Variants in ABL1 observed in about 807,000 individuals in gnomAD.
ABL1 encodes the protein tyrosine-protein kinase ABL1.
A neutral mutation model predicts 94.7 loss-of-function variants in ABL1; 11 were observed. That is an observed-to-expected ratio of 0.12 (90% CI 0.07 to 0.19). The LOEUF is 0.19. Among genes scored for constraint, ABL1 ranks in the 10% least tolerant of loss-of-function variants. The probability of loss-of-function intolerance (pLI) is 1.00; values close to 1 mark genes in which losing one functional copy is unlikely to be tolerated. For missense variants in ABL1, 1,082 were observed against 1,489.4 expected, an observed-to-expected ratio of 0.73 and a Z score of 4.50; for synonymous variants, 656 against 622.4, an observed-to-expected ratio of 1.05 and a Z score of -0.80.
intron 1 of ABL1, among the ~76,000 whole-genome samples, chr9:130,786,354 G>C (rs564305215): frequency 6.6e-6 from 1 of 152,328 alleles, no homozygotes; most frequent in South Asian, 2.1e-4. Context: ...GCTCTGGGTG[G>C]CAGGGGAGAC....
chr9:130,810,741 A>C (rs1452635093), intron 1 of ABL1, among the ~76,000 whole-genome samples: 1 of 150,974 alleles, frequency 6.6e-6, no homozygotes, highest in Non-Finnish European at 1.5e-5. Flanking sequence ...GGGACCAAAA[A>C]ATATATATAG....
At chr9:130,881,424 G>A (rs1465617667) in intron 10 of ABL1, among the ~76,000 whole-genome samples, 1 of 152,202 alleles carries the variant, frequency 6.6e-6, no homozygotes, top group Non-Finnish European at 1.5e-5. Flanking sequence ...AGTTCCACAT[G>A]GCTGGGGAGG....
chr9:130,718,321 A>AG (rs1831472017), intron 1 of ABL1, among the ~76,000 whole-genome samples: 2 of 150,964 alleles, frequency 1.3e-5, no homozygotes, highest in Non-Finnish European at 3.0e-5. Context: ...CTGTCTCAAA[A>AG]AAAAAAAAAA....
At chr9:130,748,564 C>T (rs1247081502) in intron 1 of ABL1, among the ~76,000 whole-genome samples, 1 of 151,986 alleles carries the variant, frequency 6.6e-6, no homozygotes, top group Non-Finnish European at 1.5e-5. Context: ...AGGCGTGAGC[C>T]ACCATGCCTA....
intron 7 of ABL1, among the ~76,000 whole-genome samples, chr9:130,877,914 A>G (rs1287314812): frequency 1.3e-5 from 2 of 150,270 alleles, no homozygotes; most frequent in Admixed American, 6.6e-5. Flanking sequence ...CTGGGTTCAC[A>G]CCATTCTCCT....
intron 4 of ABL1, among the ~76,000 whole-genome samples, chr9:130,868,287 C>A (rs904440716): frequency 6.6e-6 from 1 of 152,040 alleles, no homozygotes; most frequent in Non-Finnish European, 1.5e-5. Flanking sequence ...CTGTGTTGAT[C>A]CTGATTCATC....
Position 130,885,806 on chromosome 9 carries a change from C to A in ABL1, c.*123C>A. On this transcript the variant is annotated 3_prime_UTR_variant, in exon 11 of 11. Transcript: ENST00000318560. The stretch of plus-strand genomic sequence containing the variant: ...TCAGCACCTTGGCCCAGGAGCTCTG[C>A]GCCAGGCAGAGCTGAGGGCCCTGTG... The A allele has an allele frequency of 1.5e-6, 2 of 1,327,782 alleles. No individual in the cohort carries two copies. The highest frequency in any genetic ancestry group is 2.0e-6 in the Non-Finnish European group (2 of 992,608). The allele number at this position is 1,327,782 out of a possible 1,614,324, so 82.3% of individuals were successfully genotyped here. A position where few individuals can be genotyped will look rare whatever the true frequency, so the allele number is the denominator to read the frequency against.
rs918482430 is a variant in ABL1 at position 130,714,627 on chromosome 9, G to A, written c.136+172G>A. 3.9e-5 allele frequency: 34 copies of A among 877,206 alleles called. No homozygotes were observed. The African/African-American group carries it at 4.7e-4, about 12-fold the overall frequency. 54.3% of individuals were successfully genotyped at this position (877,206 alleles called of 1,614,324 possible). A position where few individuals can be genotyped will look rare whatever the true frequency, so the allele number is the denominator to read the frequency against. On this transcript the variant is annotated intron_variant, in intron 1 of 10. Transcript: ENST00000372348. ...TCTTTGTATAAGAAAAAGTTACTTC[G>A]TGACTTCGGCTTTATTCAAAATCTA... is the stretch of plus-strand genomic sequence containing the variant.
intron 1 of ABL1, among the ~76,000 whole-genome samples, chr9:130,784,744 G>C (rs2132793116): frequency 6.6e-6 from 1 of 152,202 alleles, no homozygotes; most frequent in African/African-American, 2.4e-5. Flanking sequence ...GCTTCCTTTT[G>C]GTACATTCAC....
chr9:130,881,876 G>GT (rs1480651818), intron 10 of ABL1, among the ~76,000 whole-genome samples: 1 of 133,272 alleles, frequency 7.5e-6, no homozygotes, highest in African/African-American at 3.5e-5. Flanking sequence ...ACTCTCATTA[G>GT]TAAAAAAAAA....
At chr9:130,730,154 C>T (rs1449472341) in intron 1 of ABL1, among the ~76,000 whole-genome samples, 1 of 150,930 alleles carries the variant, frequency 6.6e-6, no homozygotes, top group African/African-American at 2.4e-5. Flanking sequence ...AGTGATTCCC[C>T]TGCCTCAGCC....
upstream of ABL1, among the ~76,000 whole-genome samples, chr9:130,831,040 C>A (rs1444533722): frequency 6.6e-6 from 1 of 152,222 alleles, no homozygotes; most frequent in Non-Finnish European, 1.5e-5. Context: ...GTTGGACATA[C>A]ACTGGACCCA....
upstream of ABL1, chr9:130,835,016 G>T: frequency 5.9e-6 from 2 of 337,704 alleles, no homozygotes; most frequent in Non-Finnish European, 1.2e-5. This position sits in a 1 kb window ranked among gnomAD's most constrained non-coding sequence, Gnocchi z 4.6. Flanking sequence ...CTCCCCGCCG[G>T]GGCTGGGACG....
chr9:130,877,714 C>T (rs1212893521), intron 7 of ABL1, among the ~76,000 whole-genome samples: 2 of 146,308 alleles, frequency 1.4e-5, no homozygotes, highest in Non-Finnish European at 3.0e-5. Flanking sequence ...AATATCAGCT[C>T]ACTACAACCT....
chr9:130,775,065 A>G (rs186334092), intron 1 of ABL1, among the ~76,000 whole-genome samples: 2 of 152,330 alleles, frequency 1.3e-5, no homozygotes, highest in Admixed American at 1.3e-4. Context: ...TGAAATTCCA[A>G]GAAGAGACAT....
chr9:130,812,677 A>G (rs1830224857), intron 1 of ABL1, among the ~76,000 whole-genome samples: 2 of 152,214 alleles, frequency 1.3e-5, no homozygotes, highest in Admixed American at 1.3e-4. Flanking sequence ...GATTCAAAAT[A>G]CAAACTTTTC....
rs2132973574 is a variant in ABL1 at position 130,862,837 on chromosome 9, G to A, written c.624G>A (p.Gly208=). The A allele has an allele frequency of 6.2e-7, 1 of 1,613,894 alleles. No individual in the cohort carries two copies. Among genetic ancestry groups the A allele is most frequent in the Non-Finnish European group, 8.5e-7 (1 of 1,180,002 alleles). Residue 208 remains glycine (G), a synonymous_variant, in exon 4 of 11, where the codon GGG becomes GGA. Coordinates refer to ENST00000318560, the MANE Select transcript of ABL1 (RefSeq NM_005157.6). This position sits in a 1 kb window ranked among gnomAD's most constrained non-coding sequence, Gnocchi z 5.5. ...LVHHHSTVAD[G]LITTLHYPAP... ...ATCATCATTCAACGGTGGCCGACGGGCTCATCACCACGCTCCATTATCCAG... is the reference window on the plus strand; with the variant it reads ...ATCATCATTCAACGGTGGCCGACGGACTCATCACCACGCTCCATTATCCAG...
intron 1 of ABL1, among the ~76,000 whole-genome samples, chr9:130,802,168 C>T (rs756589832): frequency 2.7e-5 from 4 of 148,928 alleles, no homozygotes; most frequent in Non-Finnish European, 5.9e-5. Context: ...TCACGACTCA[C>T]TGCAACTTTG....
chr9:130,750,635 TTTTTCTTTC>T, intron 1 of ABL1, among the ~76,000 whole-genome samples: 1 of 127,078 alleles, frequency 7.9e-6, no homozygotes, highest in Non-Finnish European at 1.6e-5. Flanking sequence ...TTCTTTTTTC[TTTTTCTTTC>T]TTTTTTTTTT....
Sources: allele counts gnomAD v4.1 joint callset (sites outside exome capture counted in the v4.1 genomes callset), GRCh38; gene constraint gnomAD v4.1.1; non-coding constraint Gnocchi (gnomAD v3.1); transcripts MANE v1.5; gene names NCBI Gene and HGNC (gene_info 2026-07-23, HGNC 2026-07-21).